TRDMT1: variants seen among roughly 807,000 people sequenced by gnomAD.
TRDMT1 encodes the protein tRNA aspartic acid methyltransferase 1, also known as tRNA (cytosine(38)-C(5))-methyltransferase.
A neutral mutation model predicts 51.2 loss-of-function variants in TRDMT1; 49 were observed. The ratio of observed to expected loss-of-function variants is 0.96; its 90% CI spans 0.76 to 1.21. The LOEUF is 1.21. TRDMT1 is among the 50% of genes most tolerant of loss of function. The pLI is 0.00. For missense variants in TRDMT1, 534 were observed against 462.3 expected (o/e 1.16, Z -1.42); for synonymous variants, 187 against 164.6 (o/e 1.14, Z -1.04).
rs563296440 is a variant in TRDMT1, at chr10:17,144,165, T to A, written c.*4875A>T. On this transcript the variant is annotated 3_prime_UTR_variant, in exon 11 of 11. Transcript: ENST00000377799. ...CTCCAAGCCTCTGCTCTTCTTTTTC[T>A]CTTTCTCTCTTTCACTCTCATCCTC... is the stretch of plus-strand genomic sequence containing the variant. 1,239 of 985,216 alleles carry A rather than the reference T, an allele frequency of 1.3e-3. 15 individuals are homozygous for A. Among genetic ancestry groups the A allele is most frequent in the Middle Eastern group, 3.1e-3 (6 of 1,914 alleles). 61.0% of individuals were successfully genotyped at this position (985,216 alleles called of 1,614,324 possible).
At chr10:17,159,888 GT>G (rs1256496130) in intron 6 of TRDMT1, among the ~76,000 whole-genome samples, 5 of 152,106 alleles carry the variant, frequency 3.3e-5, no homozygotes, top group East Asian at 3.9e-4. Flanking sequence ...TGGAAGCAGT[GT>G]TTTCAACTTA....
chr10:17,143,558 T>G lies in TRDMT1; in HGVS notation c.*5482A>C, dbSNP rs1267349636. 3 of 985,330 alleles carry G rather than the reference T, an allele frequency of 3.0e-6. No homozygotes were observed. The highest frequency in any genetic ancestry group is 3.6e-6 in the Non-Finnish European group (3 of 829,950). The allele number at this position is 985,330 out of a possible 1,614,324, so 61.0% of individuals were successfully genotyped here. ...AGCTAAGTGAGTAAAATAGCAAATA[T>G]TTTAGTAAAAACGACATTCATGCTG... On this transcript the variant is annotated 3_prime_UTR_variant, in exon 11 of 11. Coordinates refer to ENST00000377799, the MANE Select transcript of TRDMT1 (RefSeq NM_004412.7).
rs770273932 is a variant in TRDMT1, at chr10:17,201,661, G to T, written c.-27C>A. 1 of 1,536,066 alleles carries T rather than the reference G, an allele frequency of 6.5e-7. No homozygotes were observed. Among genetic ancestry groups the T allele is most frequent in the Non-Finnish European group, 8.8e-7 (1 of 1,141,930 alleles). On this transcript the variant is annotated 5_prime_UTR_variant, in exon 1 of 11. Transcript: ENST00000377799. ...CCCGCGCCTCAGCCGCCGCAGCCCC[G>T]GAGCTAGGCCTGCCGGTCCGTCGCT...
In TRDMT1 at chr10:17,141,298, A is replaced by T. The variant is rs1837662127; in HGVS notation, c.*7742T>A. On this transcript the variant is annotated 3_prime_UTR_variant, in exon 11 of 11. Transcript: ENST00000377799. ...TGCCTCAGCCTCCCGAGTAGCTGGG[A>T]CTACAGGCATGCACCACCATGCCCG... is the stretch of plus-strand genomic sequence containing the variant. 6.6e-6 allele frequency among the ~76,000 whole-genome samples: 1 copy of T among 152,088 alleles called. No individual in the cohort carries two copies. Among genetic ancestry groups the T allele is most frequent in the Admixed American group, 6.5e-5 (1 of 15,274 alleles).
intron 10 of TRDMT1, among the ~76,000 whole-genome samples, chr10:17,152,634 G>C (rs969196472): frequency 2.0e-5 from 3 of 152,178 alleles, no homozygotes; most frequent in African/African-American, 7.2e-5. Flanking sequence ...CCATCAGCCA[G>C]GTACTGGGAG....
At chr10:17,154,825 C>T in intron 8 of TRDMT1, 91 bp from the exon 9 acceptor site, 1 of 1,090,662 alleles carries the variant, frequency 9.2e-7, no homozygotes, top group Non-Finnish European at 1.3e-6. Context: ...AATCAATCTA[C>T]ACAGTTACAT....
In TRDMT1 at chr10:17,146,652, G is replaced by A. The variant is rs539176239; in HGVS notation, c.*2388C>T. ...GAACGAAAAATCGGTTTACTGTAAG[G>A]TATGGTGAAGACTGAATTACACATA... On this transcript the variant is annotated 3_prime_UTR_variant, in exon 11 of 11. Transcript: ENST00000377799. 90 of 985,350 alleles carry A rather than the reference G, an allele frequency of 9.1e-5. 3 individuals carry two copies. In the South Asian group the frequency reaches 2.9e-3, roughly 32 times the overall value. The allele number at this position is 985,350 out of a possible 1,614,324, so 61.0% of individuals were successfully genotyped here. A position where few individuals can be genotyped will look rare whatever the true frequency, so the allele number is the denominator to read the frequency against.
chr10:17,194,606 C>A (rs1845127030), intron 1 of TRDMT1, among the ~76,000 whole-genome samples: 1 of 152,076 alleles, frequency 6.6e-6, no homozygotes, highest in Admixed American at 6.6e-5. Context: ...AATAGGACAG[C>A]ATCTCAAACC....
intron 1 of TRDMT1, among the ~76,000 whole-genome samples, chr10:17,197,958 C>T (rs1005377551): frequency 1.3e-5 from 2 of 151,674 alleles, no homozygotes; most frequent in African/African-American, 2.4e-5. Flanking sequence ...CGCTTGAACC[C>T]GGGAGACGGA....
At chr10:17,155,150 G>T (rs533048104) in intron 8 of TRDMT1, among the ~76,000 whole-genome samples, 5 of 152,188 alleles carry the variant, frequency 3.3e-5, no homozygotes, top group Admixed American at 6.5e-5. Context: ...GGAGGCGGAG[G>T]TTGCAGTGAG....
chr10:17,187,006 T>C lies in TRDMT1; in HGVS notation c.65-12346A>G, dbSNP rs546753606. Among the ~76,000 whole-genome samples the C allele has an allele frequency of 2.8e-4, 43 of 152,310 alleles. 1 individual carries two copies. In the South Asian group the frequency reaches 3.1e-3, roughly 11 times the overall value. ...AGTGTTTATGTCTTCACCAGTGTTA[T>C]GTCAGTGTTTATGCATTAGCATCAT... On this transcript the variant is annotated intron_variant, in intron 1 of 10. Coordinates refer to ENST00000377799, the MANE Select transcript of TRDMT1 (RefSeq NM_004412.7).
intron 1 of TRDMT1, among the ~76,000 whole-genome samples, chr10:17,177,187 T>TATTTATTTATTTATTC (rs1842724784): frequency 6.9e-6 from 1 of 145,632 alleles, no homozygotes. Context: ...TTATTTTATT[T>TATTTATTTATTTATTC]ATTTATTTAT....
chr10:17,195,703 T>C (rs1845313015), intron 1 of TRDMT1, among the ~76,000 whole-genome samples: 1 of 152,220 alleles, frequency 6.6e-6, no homozygotes, highest in Non-Finnish European at 1.5e-5. Flanking sequence ...AATTGTCTAA[T>C]GGGAAGTTAA....
At position 17,144,464 on chromosome 10, in the gene TRDMT1, G is replaced by T; in HGVS notation, c.*4576C>A. The T allele has an allele frequency of 1.0e-6, 1 of 985,602 alleles. No individual in the cohort carries two copies. Among genetic ancestry groups the T allele is most frequent in the South Asian group, 4.7e-5 (1 of 21,276 alleles). 61.1% of individuals were successfully genotyped at this position (985,602 alleles called of 1,614,324 possible). On this transcript the variant is annotated 3_prime_UTR_variant, in exon 11 of 11. Coordinates refer to ENST00000377799, the MANE Select transcript of TRDMT1 (RefSeq NM_004412.7). ...GAAAATTTCCGGTCTCATATTTATA[G>T]GAAAAATGAGATTTTGGAAGCTTTA...
intron 6 of TRDMT1, 98 bp from the exon 7 acceptor site, chr10:17,159,327 GAGCCTACATTT>G: frequency 1.3e-6 from 1 of 769,784 alleles, no homozygotes; most frequent in Non-Finnish European, 2.0e-6. Context: ...AAACTCAAAC[GAGCCTACATTT>G]AGCTTCTACC....
chr10:17,185,350 C>T (rs573955229), intron 1 of TRDMT1, among the ~76,000 whole-genome samples: 2 of 152,252 alleles, frequency 1.3e-5, no homozygotes, highest in African/African-American at 4.8e-5. Context: ...CAGAGAGATG[C>T]AAATTAAAAC....
intron 1 of TRDMT1, among the ~76,000 whole-genome samples, chr10:17,199,989 T>C (rs1320768109): frequency 6.6e-6 from 1 of 152,160 alleles, no homozygotes; most frequent in Admixed American, 6.5e-5. Flanking sequence ...ATAATACATA[T>C]CCCTGATGAA....
chr10:17,193,718 A>C (rs1351970310), intron 1 of TRDMT1, among the ~76,000 whole-genome samples: 1 of 152,190 alleles, frequency 6.6e-6, no homozygotes, highest in Non-Finnish European at 1.5e-5. Flanking sequence ...CAATGTTGTT[A>C]AAATGGTAGT....
chr10:17,159,180 T>A lies in TRDMT1; in HGVS notation c.509A>T (p.Gln170Leu), dbSNP rs774510690. The change falls in exon 7 of 11, where the codon CAG becomes CTG. Residue 170 changes from glutamine to leucine, a missense_variant. Gln to Leu is a moderately radical substitution (Grantham distance 113). Coordinates refer to ENST00000377799, the MANE Select transcript of TRDMT1 (RefSeq NM_004412.7). Reference sequence around the variant, plus strand: ...GGCTTGAAAGGGTAATGGCTCTGACTGAAGCTTTGCAATAAGAAAATATCG... The same window carrying A: ...GGCTTGAAAGGGTAATGGCTCTGACAGAAGCTTTGCAATAAGAAAATATCG... The part of the protein sequence containing the change: ...RLRYFLIAKL[Q>L]SEPLPFQAPG... The A allele has an allele frequency of 6.2e-7, 1 of 1,604,318 alleles. No individual in the cohort carries two copies. Among genetic ancestry groups the A allele is most frequent in the South Asian group, 1.1e-5 (1 of 89,556 alleles).
Sources: allele counts gnomAD v4.1 joint callset (sites outside exome capture counted in the v4.1 genomes callset), GRCh38; gene constraint gnomAD v4.1.1; transcripts MANE v1.5; gene names NCBI Gene and HGNC (gene_info 2026-07-23, HGNC 2026-07-21).